ENTREP2: variants seen among roughly 807,000 people sequenced by gnomAD.
ENTREP2 encodes the protein endosomal transmembrane epsin interactor 2, also known as protein ENTREP2.
chr15:29,405,016 A>G, the ENTREP2 span, among the ~76,000 whole-genome samples: 5 of 152,168 alleles, frequency 3.3e-5, no homozygotes, highest in East Asian at 9.7e-4. Context: ...GAGCTACTGT[A>G]AGAGCCCTAC....
chr15:29,581,941 GGT>G, the ENTREP2 span, among the ~76,000 whole-genome samples: 1 of 102,256 alleles, frequency 9.8e-6, no homozygotes, highest in Non-Finnish European at 2.1e-5. Context: ...AAAATATGCT[GGT>G]TTTTTTTTTT....
chr15:29,548,965 C>T, the ENTREP2 span, among the ~76,000 whole-genome samples: 2 of 152,174 alleles, frequency 1.3e-5, no homozygotes, highest in Non-Finnish European at 2.9e-5. Flanking sequence ...GAAAGCCTAA[C>T]TCAGGAGGAT....
the ENTREP2 span, among the ~76,000 whole-genome samples, chr15:29,505,808 C>A: frequency 1.3e-5 from 2 of 152,256 alleles, no homozygotes; most frequent in Admixed American, 6.5e-5. This position sits in a 1 kb window ranked among gnomAD's most constrained non-coding sequence, Gnocchi z 4.3. Flanking sequence ...TGCAGAAAAA[C>A]CAGAGAAAAA....
At chr15:29,125,485 C>T in the ENTREP2 span, among the ~76,000 whole-genome samples, 66 of 152,220 alleles carry the variant, frequency 4.3e-4, no homozygotes, top group African/African-American at 1.4e-3. Context: ...GACTCGGTTC[C>T]GGGCTCCAGT....
chr15:29,629,259 C>A, the ENTREP2 span, among the ~76,000 whole-genome samples: 1 of 151,958 alleles, frequency 6.6e-6, no homozygotes, highest in African/African-American at 2.4e-5. Context: ...TTTTTCAGTT[C>A]GTCACTAATT....
At chr15:29,269,733 C>T in the ENTREP2 span, 3 of 1,463,982 alleles carry the variant, frequency 2.0e-6, no homozygotes, top group Admixed American at 6.0e-5. Flanking sequence ...CCGGCGCACA[C>T]TCCGGTAGGC....
the ENTREP2 span, among the ~76,000 whole-genome samples, chr15:29,245,161 G>A: frequency 1.3e-5 from 2 of 152,036 alleles, no homozygotes; most frequent in Admixed American, 6.6e-5. Context: ...TCTTACATGC[G>A]GCGAGTAGCC....
At chr15:29,486,764 T>C in the ENTREP2 span, among the ~76,000 whole-genome samples, 1 of 152,162 alleles carries the variant, frequency 6.6e-6, no homozygotes, top group Non-Finnish European at 1.5e-5. Context: ...GGATATTATG[T>C]TAAGCAAAGT....
the ENTREP2 span, among the ~76,000 whole-genome samples, chr15:29,567,712 A>G: frequency 1.3e-5 from 2 of 152,196 alleles, no homozygotes; most frequent in Non-Finnish European, 2.9e-5. Context: ...CCAGAGTAAC[A>G]GGCTATTACA....
At chr15:29,649,196 T>C in the ENTREP2 span, among the ~76,000 whole-genome samples, 1 of 152,038 alleles carries the variant, frequency 6.6e-6, no homozygotes, top group Non-Finnish European at 1.5e-5. Flanking sequence ...AAAGTAGATT[T>C]GTTAGAAGCA....
the ENTREP2 span, among the ~76,000 whole-genome samples, chr15:29,259,984 G>C: frequency 2.0e-5 from 3 of 152,168 alleles, no homozygotes; most frequent in African/African-American, 7.2e-5. Flanking sequence ...CTGGTGTCCA[G>C]CTTTGTGTAT....
the ENTREP2 span, among the ~76,000 whole-genome samples, chr15:29,271,501 G>A: frequency 6.6e-6 from 1 of 152,208 alleles, no homozygotes. Flanking sequence ...CCAAAACCAG[G>A]CCTGGGCCTG....
chr15:29,570,417 C>T, the ENTREP2 span: 28 of 909,932 alleles, frequency 3.1e-5, no homozygotes, highest in African/African-American at 1.4e-4. Context: ...ACTTGCCGCC[C>T]GCGGTGGCGT....
At chr15:29,611,307 A>G in the ENTREP2 span, 1 of 152,070 alleles carries the variant, frequency 6.6e-6, no homozygotes, top group Non-Finnish European at 1.5e-5. Flanking sequence ...CCTTTCTTAG[A>G]GAGCTTGGGG....
At chr15:29,281,038 T>C in the ENTREP2 span, among the ~76,000 whole-genome samples, 2 of 152,216 alleles carry the variant, frequency 1.3e-5, no homozygotes, top group African/African-American at 4.8e-5. Flanking sequence ...TCCAAGTGGT[T>C]CATACTCTCA....
At chr15:29,313,883 T>C in the ENTREP2 span, among the ~76,000 whole-genome samples, 1 of 152,168 alleles carries the variant, frequency 6.6e-6, no homozygotes, top group Non-Finnish European at 1.5e-5. Flanking sequence ...TTAAGAACAT[T>C]TGTGATTCAT....
chr15:29,180,242 T>C, the ENTREP2 span, among the ~76,000 whole-genome samples: 2 of 152,192 alleles, frequency 1.3e-5, no homozygotes, highest in Non-Finnish European at 2.9e-5. Flanking sequence ...CAAAAAGATA[T>C]GTATGACTTA....
the ENTREP2 span, among the ~76,000 whole-genome samples, chr15:29,179,896 CT>C: frequency 2.6e-5 from 4 of 151,996 alleles, no homozygotes; most frequent in South Asian, 8.3e-4. Context: ...GGGCTGGAGT[CT>C]TAAACTTGGG....
At chr15:29,492,890 G>A in the ENTREP2 span, among the ~76,000 whole-genome samples, 31 of 151,638 alleles carry the variant, frequency 2.0e-4, 1 homozygote, top group East Asian at 4.4e-3. Context: ...TGTAATCCCA[G>A]CTATTCAGGA....
Sources: gnomAD v4.1 joint callset for allele counts (sites outside exome capture counted in the v4.1 genomes callset) on GRCh38, gnomAD v4.1.1 for gene constraint, Gnocchi (gnomAD v3.1) non-coding constraint, MANE v1.5 for transcripts, NCBI Gene and HGNC (gene_info 2026-07-23, HGNC 2026-07-21) for gene names.